Variants in SHROOM4 observed in about 807,000 individuals in gnomAD.
The protein encoded by SHROOM4 is protein Shroom4.
A neutral mutation model predicts 80.3 loss-of-function variants in SHROOM4; 17 were observed. That is an observed-to-expected ratio of 0.21 (90% CI 0.14 to 0.32). The LOEUF is 0.32. SHROOM4 is among the 10% of genes least tolerant of loss of function. SHROOM4 has a pLI of 1.00. For synonymous variants in SHROOM4, 400 were observed against 437.5 expected, an observed-to-expected ratio of 0.91 and a Z score of 1.07; for missense variants, 993 against 1,140.3, an observed-to-expected ratio of 0.87 and a Z score of 1.86.
chrX:50,759,519 G>A (rs781918821), intron 1 of SHROOM4, among the ~76,000 whole-genome samples: 3 of 111,816 alleles, frequency 2.7e-5, no homozygotes, highest in African/African-American at 3.2e-5. Context: ...TGGTCTCATC[G>A]ATTTTCTATG....
intron 1 of SHROOM4, among the ~76,000 whole-genome samples, chrX:50,749,880 G>A (rs782450276): frequency 3.6e-5 from 4 of 111,572 alleles, no homozygotes; most frequent in Non-Finnish European, 7.5e-5. Context: ...ACTGATGACC[G>A]CAGACTGGGC....
intron 1 of SHROOM4, among the ~76,000 whole-genome samples, chrX:50,794,431 A>G (rs1324928448): frequency 9.0e-6 from 1 of 110,848 alleles, no homozygotes; most frequent in African/African-American, 3.3e-5. Flanking sequence ...GAACTCATTT[A>G]CAAAATACAC....
At position 50,591,726 on chromosome X, in the gene SHROOM4, CTTTCT is replaced by C. The variant is rs1928894952; in HGVS notation, c.*4964_*4968del. The C allele has an allele frequency of 1.8e-5, 4 of 221,265 alleles. No homozygotes were observed. The highest frequency in any genetic ancestry group is 3.3e-5 in the Non-Finnish European group (4 of 120,799). The allele number at this position is 221,265 out of a possible 1,213,427, so 18.2% of individuals were successfully genotyped here. ...TCTTTCTTTCTTTCTTTCTTTCTTT[CTTTCT>C]TTTTGAGACAAAGTCTCACTCTGTT... is the stretch of plus-strand genomic sequence containing the variant. On this transcript the variant is annotated 3_prime_UTR_variant, in exon 9 of 9. Coordinates refer to ENST00000376020, the MANE Select transcript of SHROOM4 (RefSeq NM_020717.5).
chrX:50,791,175 T>C (rs1935843774), intron 1 of SHROOM4, among the ~76,000 whole-genome samples: 1 of 110,829 alleles, frequency 9.0e-6, no homozygotes, highest in African/African-American at 3.3e-5. Flanking sequence ...AACAATGTAC[T>C]ACCTCAAAAA....
At chrX:50,602,105 T>C (rs1557247740) in intron 7 of SHROOM4, among the ~76,000 whole-genome samples, 1 of 109,893 alleles carries the variant, frequency 9.1e-6, no homozygotes, top group African/African-American at 3.3e-5. Context: ...TTTTTTTTTT[T>C]TTGAGACTGA....
At chrX:50,667,746 G>T (rs953532330) in intron 2 of SHROOM4, among the ~76,000 whole-genome samples, 1 of 111,819 alleles carries the variant, frequency 8.9e-6, no homozygotes, top group Non-Finnish European at 1.9e-5. Context: ...AGGCAAACCA[G>T]TGAGGGACCT....
intron 1 of SHROOM4, among the ~76,000 whole-genome samples, chrX:50,766,469 C>A (rs1375005126): frequency 9.0e-6 from 1 of 111,196 alleles, no homozygotes; most frequent in Non-Finnish European, 1.9e-5. Flanking sequence ...AGGAGGAGTT[C>A]AAGAAATATT....
chrX:50,778,167 T>C (rs1367098078), intron 1 of SHROOM4, among the ~76,000 whole-genome samples: 1 of 112,196 alleles, frequency 8.9e-6, no homozygotes, highest in Non-Finnish European at 1.9e-5. Flanking sequence ...ATGTTAATCC[T>C]TTGCTCAGAC....
chrX:50,683,645 T>C (rs1932992117), intron 2 of SHROOM4, among the ~76,000 whole-genome samples: 1 of 111,538 alleles, frequency 9.0e-6, no homozygotes, highest in Non-Finnish European at 1.9e-5. Context: ...TTATTTACCT[T>C]TATAGAGGCA....
At position 50,593,648 on chromosome X, in the gene SHROOM4, C is replaced by G. The variant is rs1557245977; in HGVS notation, c.*3047G>C. The G allele has an allele frequency of 9.0e-6, 1 of 111,592 alleles. No individual in the cohort carries two copies. Among genetic ancestry groups the G allele is most frequent in the Non-Finnish European group, 1.9e-5 (1 of 53,196 alleles). 9.2% of individuals were successfully genotyped at this position (111,592 alleles called of 1,213,427 possible). A position where few individuals can be genotyped will look rare whatever the true frequency, so the allele number is the denominator to read the frequency against. On this transcript the variant is annotated 3_prime_UTR_variant, in exon 9 of 9. Transcript: ENST00000376020. ...TGGGTGGAAGTGGCCAGAAATGGGC[C>G]CAGCTTCCTCCATCTGGGGCTTGCT...
intron 1 of SHROOM4, among the ~76,000 whole-genome samples, chrX:50,709,691 C>T (rs781971564): frequency 1.3e-4 from 15 of 112,384 alleles, no homozygotes; most frequent in Non-Finnish European, 2.6e-4. Flanking sequence ...AGCTAAGGGG[C>T]ATGCCTGTCC....
chrX:50,626,798 C>T (rs1930823635), intron 5 of SHROOM4, among the ~76,000 whole-genome samples: 1 of 111,695 alleles, frequency 9.0e-6, no homozygotes, highest in Admixed American at 9.5e-5. Context: ...ATTATTATTG[C>T]CATTTAGCTT....
intron 1 of SHROOM4, among the ~76,000 whole-genome samples, chrX:50,741,818 G>GT (rs1934666402): frequency 9.1e-6 from 1 of 110,379 alleles, no homozygotes; most frequent in Non-Finnish European, 1.9e-5. Context: ...TGTTTCCCAG[G>GT]TTTTTTATAT....
intron 1 of SHROOM4, among the ~76,000 whole-genome samples, chrX:50,749,879 C>T (rs17003192): frequency 0.055 from 6,155 of 111,339 alleles, 434 homozygotes; most frequent in African/African-American, 0.19. Flanking sequence ...CACTGATGAC[C>T]GCAGACTGGG....
intron 5 of SHROOM4, among the ~76,000 whole-genome samples, chrX:50,618,395 CCTTCCTTCCTTCCTTCCTTCCTTCCTTT>C (rs1557251292): frequency 1.1e-4 from 8 of 73,682 alleles, no homozygotes; most frequent in African/African-American, 1.6e-4. Flanking sequence ...TTCCTTCCTT[CCTTCCTTCCTTCCTTCCTTCCTTCCTTT>C]CTTATTTTTG....
chrX:50,705,576 T>C (rs1409688622), intron 1 of SHROOM4, among the ~76,000 whole-genome samples: 2 of 111,256 alleles, frequency 1.8e-5, no homozygotes, highest in East Asian at 2.9e-4. Flanking sequence ...CCTTCTCCTA[T>C]AAAGGTTGAC....
At chrX:50,645,940 C>A (rs1931816056) in intron 2 of SHROOM4, among the ~76,000 whole-genome samples, 1 of 111,251 alleles carries the variant, frequency 9.0e-6, no homozygotes, top group Admixed American at 9.5e-5. Context: ...TGGACCAATT[C>A]TGAAAGGAGT....
At chrX:50,579,743 T>C in the SHROOM4 span, among the ~76,000 whole-genome samples, 1 of 111,713 alleles carries the variant, frequency 9.0e-6, no homozygotes, top group Admixed American at 9.5e-5. Flanking sequence ...AAGGAATTCA[T>C]GATTATATTA....
At chrX:50,641,634 C>T (rs1340841147) in intron 2 of SHROOM4, among the ~76,000 whole-genome samples, 1 of 105,867 alleles carries the variant, frequency 9.4e-6, no homozygotes, top group African/African-American at 3.5e-5. Context: ...TTTTTTGAGA[C>T]GAAGTCTCAT....
Sources: allele counts gnomAD v4.1 joint callset (sites outside exome capture counted in the v4.1 genomes callset), GRCh38; gene constraint gnomAD v4.1.1; transcripts MANE v1.5; gene names NCBI Gene and HGNC (gene_info 2026-07-23, HGNC 2026-07-21).